The following ARHGAP5 variants were observed in gnomAD, a reference collection of about 807,000 sequenced individuals.
The protein encoded by ARHGAP5 is rho GTPase-activating protein 5.
ARHGAP5 carries 23 observed loss-of-function variants against 116.6 expected under a neutral mutation model. That is an observed-to-expected ratio of 0.20 (90% CI 0.14 to 0.28). The LOEUF is 0.28. Among genes scored for constraint, ARHGAP5 ranks in the 10% least tolerant of loss-of-function variants. The pLI, the probability that ARHGAP5 is intolerant of heterozygous loss-of-function variation, is 1.00. For synonymous variants in ARHGAP5, 574 were observed against 602.0 expected (o/e 0.95, Z 0.68); for missense variants, 1,405 against 1,774.8 (o/e 0.79, Z 3.74).
rs1213804498 is a variant in ARHGAP5 at position 32,150,004 on chromosome 14, C to G, written c.4046C>G (p.Ser1349Cys). 7 of 1,605,848 alleles carry G rather than the reference C, an allele frequency of 4.4e-6. No homozygotes were observed. In the South Asian group the frequency reaches 5.6e-5, roughly 13 times the overall value. ...ADLPDPLIPY[S>C]LHPELLEAAK... ...CTGCCAGATCCTTTAATTCCATATT[C>G]TCTTCATCCAGAACTATTGGAAGCA... Residue 1349 changes from serine to cysteine, a missense_variant, in exon 5 of 7, where the codon TCT becomes TGT. Physicochemically the swap from Ser to Cys is moderately radical, Grantham distance 112 (BLOSUM62 -1). Around this residue, in one of 6 missense-constraint regions of ARHGAP5, gnomAD observed 176 missense variants for 221.2 expected, o/e 0.80. Coordinates refer to ENST00000345122, the MANE Select transcript of ARHGAP5 (RefSeq NM_001030055.2).
rs144611223 is a variant in ARHGAP5, at chr14:32,146,294, C to T, written c.3897C>T (p.Ser1299=). The T allele has an allele frequency of 3.0e-4, 484 of 1,612,676 alleles. 2 individuals are homozygous for T. In the African/African-American group the frequency reaches 5.7e-3, roughly 19 times the overall value. The part of the protein sequence containing the change: ...GLCTEGLYRV[S]GNKTDQDNIQ... ...GTACCGAAGGACTCTACCGTGTCAGCGGGAATAAAACTGACCAAGACAATA... is the reference window on the plus strand; with the variant it reads ...GTACCGAAGGACTCTACCGTGTCAGTGGGAATAAAACTGACCAAGACAATA... Residue 1299 remains serine, a synonymous_variant, in exon 4 of 7, where the codon AGC becomes AGT. Coordinates refer to ENST00000345122, the MANE Select transcript of ARHGAP5 (RefSeq NM_001030055.2).
At chr14:32,098,589 CT>C (rs1878643126) in intron 2 of ARHGAP5, among the ~76,000 whole-genome samples, 1 of 152,146 alleles carries the variant, frequency 6.6e-6, no homozygotes, top group Admixed American at 6.5e-5. Context: ...GATAAACTTT[CT>C]GTAAAGGGCC....
rs577941395 is a variant in ARHGAP5, at chr14:32,103,213, A to G, written c.3717+8827A>G. Reference sequence around the variant, plus strand: ...CCAATTTATGATAACATAAGTGTGGATATGTAGTGCAAGTATTTCTGGCAG... The same window carrying G: ...CCAATTTATGATAACATAAGTGTGGGTATGTAGTGCAAGTATTTCTGGCAG... On this transcript the variant is annotated intron_variant, in intron 2 of 6. Transcript: ENST00000345122. Among the ~76,000 whole-genome samples, 6 of 152,312 alleles carry G rather than the reference A, an allele frequency of 3.9e-5. No homozygotes were observed. The South Asian group carries it at 1.2e-3, about 32-fold the overall frequency.
intron 1 of ARHGAP5, among the ~76,000 whole-genome samples, chr14:32,086,603 A>G (rs1050771596): frequency 2.0e-5 from 3 of 151,264 alleles, no homozygotes; most frequent in African/African-American, 7.4e-5. Flanking sequence ...ATATTTTTAA[A>G]TATATACCTT....
In ARHGAP5 at chr14:32,157,543, A is replaced by G. The variant is rs1881944697; in HGVS notation, c.*2595A>G. 1 of 152,274 alleles carries G rather than the reference A, an allele frequency of 6.6e-6. No individual in the cohort carries two copies. The highest frequency in any genetic ancestry group is 6.6e-5 in the Admixed American group (1 of 15,260). 9.4% of individuals were successfully genotyped at this position (152,274 alleles called of 1,614,324 possible). ...TGGACCTAACAGGATCTAGATTAGC[A>G]ATATAAAGAAGCATAGTGGTACTCT... is the stretch of plus-strand genomic sequence containing the variant. On this transcript the variant is annotated 3_prime_UTR_variant, in exon 7 of 7. Transcript: ENST00000345122.
Position 32,117,024 on chromosome 14 carries a change from A to T in ARHGAP5, c.3718-116A>T, listed in dbSNP as rs116534208. On this transcript the variant is annotated intron_variant, in intron 2 of 6. Transcript: ENST00000345122. ...TAGCGAGTCATATTGGTGGACATTT[A>T]GGTTGGATGTGGCTATAAAATTTTT... 291 of 706,398 alleles carry T rather than the reference A, an allele frequency of 4.1e-4. 1 individual carries two copies. In the African/African-American group the frequency reaches 4.9e-3, roughly 12 times the overall value. 43.8% of individuals were successfully genotyped at this position (706,398 alleles called of 1,614,324 possible). A position where few individuals can be genotyped will look rare whatever the true frequency, so the allele number is the denominator to read the frequency against.
At chr14:32,132,860 T>C (rs2139108390) in intron 3 of ARHGAP5, among the ~76,000 whole-genome samples, 1 of 152,322 alleles carries the variant, frequency 6.6e-6, no homozygotes, top group East Asian at 1.9e-4. Context: ...CCCCATTGCT[T>C]GTTTTTGTCA....
intron 2 of ARHGAP5, among the ~76,000 whole-genome samples, chr14:32,097,313 T>A (rs969497641): frequency 6.6e-6 from 1 of 152,184 alleles, no homozygotes; most frequent in Non-Finnish European, 1.5e-5. Context: ...ATATCAGATG[T>A]GCAAAGGGTG....
intron 1 of ARHGAP5, among the ~76,000 whole-genome samples, chr14:32,089,645 G>A (rs2041864906): frequency 1.3e-5 from 2 of 151,780 alleles, no homozygotes; most frequent in Admixed American, 1.3e-4. Context: ...ATTTAGCTTG[G>A]TGCTACTCAA....
intron 2 of ARHGAP5, among the ~76,000 whole-genome samples, chr14:32,109,622 AC>A (rs1879188569): frequency 6.6e-6 from 1 of 152,136 alleles, no homozygotes; most frequent in Non-Finnish European, 1.5e-5. Flanking sequence ...GTTCACTGTT[AC>A]ATTTTTCATA....
chr14:32,082,150 A>G (rs531636994), intron 1 of ARHGAP5, among the ~76,000 whole-genome samples: 8 of 152,296 alleles, frequency 5.3e-5, no homozygotes, highest in African/African-American at 1.9e-4. Context: ...CCCAGTTCCT[A>G]ATAAGCCACA....
chr14:32,102,307 G>GT (rs1177889491), intron 2 of ARHGAP5, among the ~76,000 whole-genome samples: 1 of 152,168 alleles, frequency 6.6e-6, no homozygotes. Flanking sequence ...TCTGCCTTGA[G>GT]TTAGGTCCTG....
chr14:32,093,091 G>C lies in ARHGAP5; in HGVS notation c.2422G>C (p.Ala808Pro). 1 of 1,613,972 alleles carries C rather than the reference G, an allele frequency of 6.2e-7. No individual in the cohort carries two copies. Among genetic ancestry groups the C allele is most frequent in the Non-Finnish European group, 8.5e-7 (1 of 1,179,930 alleles). ...CCTTGATTCTCATTCTTGCAGTGCTGCTCAAGCTGGACAGAATAATTCCCT... is the reference window on the plus strand; with the variant it reads ...CCTTGATTCTCATTCTTGCAGTGCTCCTCAAGCTGGACAGAATAATTCCCT... ...PFLDSHSCSA[A>P]QAGQNNSLML... The change falls in exon 2 of 7, where the codon GCT (alanine) becomes CCT (proline). Residue 808 changes from alanine to proline, a missense_variant. By Grantham distance (27) the Ala-to-Pro change is conservative. Coordinates refer to ENST00000345122, the MANE Select transcript of ARHGAP5 (RefSeq NM_001030055.2).
At chr14:32,154,431 G>C (rs146273901) in intron 6 of ARHGAP5, 190 bp from the exon 7 acceptor site, 2 of 560,106 alleles carry the variant, frequency 3.6e-6, no homozygotes, top group African/African-American at 3.8e-5. Flanking sequence ...TTACAGGCGT[G>C]AGCCACTGCA....
At position 32,091,819 on chromosome 14, in the gene ARHGAP5, ACTC is replaced by A. The variant is rs1566660163; in HGVS notation, c.1153_1155del (p.Pro385del). The stretch of plus-strand genomic sequence containing the variant: ...GTTATGTTTTGTGGTGCTAGAAAAA[ACTC>A]CTTGGGATGAAACTGACCATATAGA... On this transcript the variant is annotated inframe_deletion, in exon 2 of 7. Transcript: ENST00000345122. 6.2e-7 allele frequency: 1 copy of A among 1,612,954 alleles called. No individual in the cohort carries two copies. Among genetic ancestry groups the A allele is most frequent in the East Asian group, 2.2e-5 (1 of 44,836 alleles).
rs375770099 is a variant in ARHGAP5 at position 32,111,387 on chromosome 14, C to T, written c.3718-5753C>T. ...GCAAGTAAGATAACAGGGGTGGTCT[C>T]TTTAGAAGTCCAGTGAAGAGACTGA... is the stretch of plus-strand genomic sequence containing the variant. On this transcript the variant is annotated intron_variant, in intron 2 of 6. Transcript: ENST00000345122. Among the ~76,000 whole-genome samples the T allele has an allele frequency of 2.0e-5, 3 of 152,166 alleles. No homozygotes were observed. In the East Asian group the frequency reaches 5.8e-4, roughly 29 times the overall value.
rs1184212150 is a variant in ARHGAP5 at position 32,091,440 on chromosome 14, C to G, written c.771C>G (p.Pro257=). The change falls in exon 2 of 7, where the codon CCC becomes CCG. Residue 257 remains proline, a synonymous_variant. Transcript: ENST00000345122. ...DKTRSKPKII[P]YLDAYKTQRQ... is the part of the protein sequence containing the mutation. ...CTCGTAGCAAGCCTAAAATTATTCC[C>G]TATTTGGATGCTTATAAAACACAGA... 1 of 1,611,660 alleles carries G rather than the reference C, an allele frequency of 6.2e-7. No individual in the cohort carries two copies. Among genetic ancestry groups the G allele is most frequent in the East Asian group, 2.2e-5 (1 of 44,820 alleles).
rs995256785 is a variant in ARHGAP5, at chr14:32,157,417, A to G, written c.*2469A>G. 1 of 152,310 alleles carries G rather than the reference A, an allele frequency of 6.6e-6. No homozygotes were observed. The highest frequency in any genetic ancestry group is 6.6e-5 in the Admixed American group (1 of 15,256). The allele number at this position is 152,310 out of a possible 1,614,324, so 9.4% of individuals were successfully genotyped here. On this transcript the variant is annotated 3_prime_UTR_variant, in exon 7 of 7. Transcript: ENST00000345122. ...AGGATAGTCTCATAATTGTGAGTAA[A>G]CATCAAGGCATTATATTTTACAATA...
intron 3 of ARHGAP5, among the ~76,000 whole-genome samples, chr14:32,132,581 T>A (rs558089036): frequency 2.6e-5 from 4 of 152,354 alleles, no homozygotes; most frequent in Admixed American, 6.5e-5. Flanking sequence ...CAGAAACTCT[T>A]TAGTTTAATT....
Sources: gnomAD v4.1 joint callset for allele counts (sites outside exome capture counted in the v4.1 genomes callset) on GRCh38, gnomAD v4.1.1 for gene constraint, gnomAD v4.1.1 regional missense constraint, MANE v1.5 for transcripts, NCBI Gene and HGNC (gene_info 2026-07-23, HGNC 2026-07-21) for gene names.